Variants in SIRPB1 observed in about 807,000 individuals in gnomAD.
SIRPB1 encodes signal regulatory protein beta 1.
SIRPB1 carries 28 observed loss-of-function variants against 34.1 expected under a neutral mutation model. The ratio of observed to expected loss-of-function variants is 0.82; its 90% CI spans 0.61 to 1.12. The LOEUF is 1.12. Among genes scored for constraint, SIRPB1 ranks in the 50% most tolerant of loss-of-function variants. The probability of loss-of-function intolerance (pLI) is 0.00; values close to 1 mark genes in which losing one functional copy is unlikely to be tolerated. For missense variants in SIRPB1, 499 were observed against 507.0 expected (o/e 0.98, Z 0.15); for synonymous variants, 211 against 203.8 (o/e 1.04, Z -0.30).
Position 1,566,134 on chromosome 20 carries a change from C to T in SIRPB1, c.*2+19G>A, listed in dbSNP as rs146905696. Reference sequence around the variant, plus strand: ...TTTCTGGAGGAGCCCTTGGTCAGTCCTCCCTCTCCTAAACTTACAGTCAGG... The same window carrying T: ...TTTCTGGAGGAGCCCTTGGTCAGTCTTCCCTCTCCTAAACTTACAGTCAGG... On this transcript the variant is annotated intron_variant, in intron 5 of 5. Coordinates refer to ENST00000381605, the MANE Select transcript of SIRPB1 (RefSeq NM_006065.5). 3.8e-4 allele frequency: 590 copies of T among 1,535,886 alleles called. 2 individuals are homozygous for T. In the African/African-American group the frequency reaches 7.1e-3, roughly 18 times the overall value.
intron 4 of SIRPB1, among the ~76,000 whole-genome samples, chr20:1,569,595 G>A (rs149001455): frequency 1.3e-5 from 2 of 152,182 alleles, no homozygotes; most frequent in Non-Finnish European, 2.9e-5. Context: ...GAACAAATCC[G>A]TGACTCAGCA....
chr20:1,586,797 C>T lies in SIRPB1; in HGVS notation c.77-8103G>A, dbSNP rs1009428091. On this transcript the variant is annotated intron_variant, in intron 1 of 5. Transcript: ENST00000381605. ...TTGGAAAAATTATCTTCCATGAAAC[C>T]AGTCCCAGGTGCCAAAAAGATTGGG... 1.0e-4 allele frequency among the ~76,000 whole-genome samples: 5 copies of T among 48,884 alleles called. 2 individuals carry two copies. The highest frequency in any genetic ancestry group is 1.6e-4 in the Non-Finnish European group (4 of 25,282). The allele number at this position is 48,884 out of a possible 152,430, so 32.1% of individuals were successfully genotyped here. A position where few individuals can be genotyped will look rare whatever the true frequency, so the allele number is the denominator to read the frequency against.
intron 4 of SIRPB1, 172 bp downstream of exon 4, chr20:1,570,633 T>C: frequency 1.7e-6 from 1 of 584,364 alleles, no homozygotes. Flanking sequence ...AAATGGCCAA[T>C]TGTTACCTTG....
chr20:1,618,175 A>G (rs1157182733), intron 1 of SIRPB1, among the ~76,000 whole-genome samples: 1 of 152,266 alleles, frequency 6.6e-6, no homozygotes, highest in Non-Finnish European at 1.5e-5. Flanking sequence ...TGTGGCCCAT[A>G]GAAAGCATCC....
chr20:1,615,427 C>T (rs2091615900), intron 1 of SIRPB1, among the ~76,000 whole-genome samples: 1 of 152,160 alleles, frequency 6.6e-6, no homozygotes, highest in Non-Finnish European at 1.5e-5. Context: ...ATAAATTGTC[C>T]CAAAGCCAGA....
chr20:1,597,687 G>A lies in SIRPB1; in HGVS notation c.77-18993C>T, dbSNP rs1027645191. The A allele has an allele frequency of 1.4e-5, 4 of 287,090 alleles. 2 individuals are homozygous for A. Among genetic ancestry groups the A allele is most frequent in the Non-Finnish European group, 1.6e-5 (4 of 246,936 alleles). The allele number at this position is 287,090 out of a possible 1,614,324, so 17.8% of individuals were successfully genotyped here. ...AAAAAATATCCAAATTATATCATAC[G>A]TATAAACAAAGAGGAAGGATAATCA... On this transcript the variant is annotated intron_variant, in intron 1 of 5. Transcript: ENST00000381605.
Position 1,564,867 on chromosome 20 carries a change from G to T in SIRPB1, c.*633C>A, listed in dbSNP as rs2091107270. 2.5e-6 allele frequency: 1 copy of T among 398,420 alleles called. No homozygotes were observed. Among genetic ancestry groups the T allele is most frequent in the African/African-American group, 2.1e-5 (1 of 48,588 alleles). 24.7% of individuals were successfully genotyped at this position (398,420 alleles called of 1,614,324 possible). A position where few individuals can be genotyped will look rare whatever the true frequency, so the allele number is the denominator to read the frequency against. ...TTGGAGGCAGAACTGAATATGAGTT[G>T]TAAAGGGCAGTCATCGAGGGCTCCT... On this transcript the variant is annotated 3_prime_UTR_variant, in exon 6 of 6. Coordinates refer to ENST00000381605, the MANE Select transcript of SIRPB1 (RefSeq NM_006065.5).
At chr20:1,571,283 C>T (rs1392918453) in intron 3 of SIRPB1, 146 bp from the exon 4 acceptor site, 13 of 860,258 alleles carry the variant, frequency 1.5e-5, no homozygotes, top group South Asian at 5.4e-5. Flanking sequence ...TGAGGGCACT[C>T]GTTGCATATG....
At chr20:1,572,972 A>G (rs2091264705) in intron 2 of SIRPB1, among the ~76,000 whole-genome samples, 3 of 148,066 alleles carry the variant, frequency 2.0e-5, no homozygotes, top group Admixed American at 2.0e-4. Context: ...TCAACCAGCT[A>G]ATGAACTGTT....
At chr20:1,568,384 C>CAGACTT (rs1230276282) in intron 4 of SIRPB1, among the ~76,000 whole-genome samples, 2 of 152,138 alleles carry the variant, frequency 1.3e-5, no homozygotes, top group African/African-American at 4.8e-5. Context: ...AATGCATTTC[C>CAGACTT]AGACTTAGCA....
Position 1,565,418 on chromosome 20 carries a change from A to T in SIRPB1, c.*82T>A, listed in dbSNP as rs1385603963. 3.3e-5 allele frequency: 6 copies of T among 182,162 alleles called. No individual in the cohort carries two copies. Among genetic ancestry groups the T allele is most frequent in the Non-Finnish European group, 6.7e-5 (6 of 89,106 alleles). The allele number at this position is 182,162 out of a possible 1,614,324, so 11.3% of individuals were successfully genotyped here. On this transcript the variant is annotated 3_prime_UTR_variant, in exon 6 of 6. Transcript: ENST00000381605. ...CTGGGAGAGGAGGCGTTTGGAGCTG[A>T]GTGTGGGGAAGGTTCTCGCCAGCTC...
intron 4 of SIRPB1, among the ~76,000 whole-genome samples, chr20:1,567,647 G>A (rs935061555): frequency 2.6e-5 from 4 of 152,228 alleles, no homozygotes; most frequent in South Asian, 4.1e-4. Context: ...TGGAGAAGCC[G>A]TGACTTGCTG....
At position 1,578,558 on chromosome 20, in the gene SIRPB1, A is replaced by G. The variant is rs763794011; in HGVS notation, c.213T>C (p.Ala71=). The G allele has an allele frequency of 9.5e-6, 15 of 1,584,064 alleles. 1 individual carries two copies. The highest frequency in any genetic ancestry group is 1.3e-5 in the Non-Finnish European group (15 of 1,157,622). Residue 71 remains alanine (A), a synonymous_variant, in exon 2 of 6, where the codon GCT becomes GCC. Transcript: ENST00000381605. ...PVGPIMWFRG[A]GAGRELIYNQ... ...TGTAGATTAATTCCCGGCCTGCTCC[A>G]GCTCCTCTAAACCACATGATGGGCC...
chr20:1,571,830 A>G lies in SIRPB1; in HGVS notation c.641T>C (p.Val214Ala), dbSNP rs2091243905. The G allele has an allele frequency of 3.1e-6, 5 of 1,614,174 alleles. No individual in the cohort carries two copies. Among genetic ancestry groups the G allele is most frequent in the Non-Finnish European group, 4.2e-6 (5 of 1,180,036 alleles). Reference sequence around the variant, plus strand: ...GTGAACGTCCCCACGGGTCAGCACCACCCTGGCTGTGCTGTGGATGCTGTA... The same window carrying G: ...GTGAACGTCCCCACGGGTCAGCACCGCCCTGGCTGTGCTGTGGATGCTGTA... Reference protein sequence around the residue: ...VSYSIHSTARVVLTRGDVHSQ... With the variant: ...VSYSIHSTARAVLTRGDVHSQ... The change falls in exon 3 of 6, where the codon GTG becomes GCG. Residue 214 changes from valine (V) to alanine (A), a missense_variant. Coordinates refer to ENST00000381605, the MANE Select transcript of SIRPB1 (RefSeq NM_006065.5).
chr20:1,571,276 G>A lies in SIRPB1; in HGVS notation c.752-139C>T. The A allele has an allele frequency of 5.5e-6, 5 of 905,814 alleles. No homozygotes were observed. The South Asian group carries it at 8.8e-5, about 16-fold the overall frequency. 56.1% of individuals were successfully genotyped at this position (905,814 alleles called of 1,614,324 possible). On this transcript the variant is annotated intron_variant, in intron 3 of 5. Coordinates refer to ENST00000381605, the MANE Select transcript of SIRPB1 (RefSeq NM_006065.5). ...CAGGCAGCAGGTGCTCAGACATTGA[G>A]GGCACTCGTTGCATATGAGTGAAAT...
intron 4 of SIRPB1, among the ~76,000 whole-genome samples, chr20:1,567,058 G>A (rs190753789): frequency 2.0e-5 from 3 of 152,126 alleles, no homozygotes; most frequent in South Asian, 4.2e-4. Context: ...TTAAATAAGG[G>A]GTTTTGGATG....
intron 1 of SIRPB1, among the ~76,000 whole-genome samples, chr20:1,614,026 C>A (rs1334216452): frequency 1.3e-5 from 2 of 152,082 alleles, no homozygotes; most frequent in East Asian, 1.9e-4. Flanking sequence ...ATAAAAGAGA[C>A]CCTCAATAAG....
At chr20:1,617,989 GTA>G (rs1395430351) in intron 1 of SIRPB1, among the ~76,000 whole-genome samples, 1 of 151,460 alleles carries the variant, frequency 6.6e-6, no homozygotes, top group East Asian at 1.9e-4. Flanking sequence ...ACACATATAT[GTA>G]TATATACACA....
chr20:1,563,733 GGA>G lies in SIRPB1; in HGVS notation c.*1765_*1766del, dbSNP rs149306617. ...CACCTTCTTCACATGGTGGCAGGAGGGAGAGAGAGAGAGAGAGCGAAGGGGGA... is the reference window on the plus strand; with the variant it reads ...CACCTTCTTCACATGGTGGCAGGAGGGAGAGAGAGAGAGAGCGAAGGGGGA... On this transcript the variant is annotated 3_prime_UTR_variant, in exon 6 of 6. Transcript: ENST00000381605. 9.7e-3 allele frequency: 1,445 copies of G among 149,612 alleles called. 26 individuals are homozygous for G. The highest frequency in any genetic ancestry group is 0.034 in the African/African-American group (1,402 of 40,836). The allele number at this position is 149,612 out of a possible 1,614,324, so 9.3% of individuals were successfully genotyped here. A position where few individuals can be genotyped will look rare whatever the true frequency, so the allele number is the denominator to read the frequency against.
Sources: gnomAD v4.1 joint callset for allele counts (sites outside exome capture counted in the v4.1 genomes callset) on GRCh38, gnomAD v4.1.1 for gene constraint, MANE v1.5 for transcripts, NCBI Gene and HGNC (gene_info 2026-07-23, HGNC 2026-07-21) for gene names.